C4orf50: variants seen among roughly 807,000 people sequenced by gnomAD.
C4orf50 encodes the protein uncharacterized protein C4orf50.
A neutral mutation model predicts 77.2 loss-of-function variants in C4orf50; 80 were observed. The ratio of observed to expected loss-of-function variants is 1.04; its 90% CI spans 0.87 to 1.25. The LOEUF is 1.25. C4orf50 is among the 50% of genes most tolerant of loss of function. C4orf50 has a pLI of 0.00. For missense variants in C4orf50, 1,257 were observed against 1,152.9 expected (o/e 1.09, Z -1.31); for synonymous variants, 532 against 465.3 (o/e 1.14, Z -1.84).
chr4:5,921,200 C>T (rs901147945), intron 7 of C4orf50, among the ~76,000 whole-genome samples: 6 of 152,190 alleles, frequency 3.9e-5, no homozygotes, highest in Non-Finnish European at 5.9e-5. Context: ...CGGGGATGTG[C>T]GGTTGCCTGT....
chr4:5,938,333 G>A (rs1718121044), intron 7 of C4orf50, among the ~76,000 whole-genome samples: 1 of 152,092 alleles, frequency 6.6e-6, no homozygotes. Context: ...TGGATCAAAG[G>A]GACCATAACA....
exon 28 of C4orf50, chr4:5,989,884 A>G: frequency 1.4e-6 from 2 of 1,437,444 alleles, no homozygotes; most frequent in South Asian, 3.0e-5. Flanking sequence ...TTTGTCCTCC[A>G]GGCTTCCTCC....
chr4:5,944,678 A>G (rs1395607077), intron 7 of C4orf50, among the ~76,000 whole-genome samples: 2 of 151,928 alleles, frequency 1.3e-5, no homozygotes, highest in Non-Finnish European at 2.9e-5. Flanking sequence ...TACCCACATG[A>G]ACCAGATGCA....
chr4:5,913,731 G>A (rs1477202309), intron 7 of C4orf50, among the ~76,000 whole-genome samples: 1 of 152,170 alleles, frequency 6.6e-6, no homozygotes, highest in African/African-American at 2.4e-5. Context: ...CAGACGTTGG[G>A]ACCAAACCTC....
In C4orf50 at chr4:5,932,667, C is replaced by A. The variant is rs1260002852; in HGVS notation, c.*2474+24234G>T. Among the ~76,000 whole-genome samples the A allele has an allele frequency of 6.6e-6, 1 of 152,110 alleles. No individual in the cohort carries two copies. Among genetic ancestry groups the A allele is most frequent in the Admixed American group, 6.5e-5 (1 of 15,282 alleles). On this transcript the variant is annotated intron_variant, in intron 7 of 7. Coordinates refer to the C4orf50 transcript ENST00000324058. The surrounding 1 kb of genome is among the most constrained non-coding windows in gnomAD (Gnocchi z 4.2). ...GCCTTGCTCAGGCTGGTCTTGAACTCTTGGGCTCAGGCAATTCTCTTACCT... is the reference window on the plus strand; with the variant it reads ...GCCTTGCTCAGGCTGGTCTTGAACTATTGGGCTCAGGCAATTCTCTTACCT...
At position 5,964,933 on chromosome 4, in the gene C4orf50, A is replaced by G; in HGVS notation, c.4275+91T>C. On this transcript the variant is annotated intron_variant, in intron 33 of 33. Transcript: ENST00000531445. ...GACCTGGTGGTGGCTTTCTGGGTGT[A>G]TATCGCTTGGATAATTTGCTAAGCT... 3.9e-6 allele frequency: 5 copies of G among 1,271,686 alleles called. No individual in the cohort carries two copies. The South Asian group carries it at 4.3e-5, about 11-fold the overall frequency. The allele number at this position is 1,271,686 out of a possible 1,614,324, so 78.8% of individuals were successfully genotyped here.
chr4:6,015,810 T>C lies in C4orf50; in HGVS notation c.287+2335A>G, dbSNP rs1481243704. On this transcript the variant is annotated intron_variant, in intron 23 of 33. Coordinates refer to ENST00000531445, the Ensembl canonical transcript of C4orf50. This position sits in a 1 kb window ranked among gnomAD's most constrained non-coding sequence, Gnocchi z 4.4. ...CATCTTTGGAGCCAGCTGCATGCAA[T>C]CCCACACTGGCGGCCACACTGCCAT... Among the ~76,000 whole-genome samples, 1 of 152,172 alleles carries C rather than the reference T, an allele frequency of 6.6e-6. No individual in the cohort carries two copies. The highest frequency in any genetic ancestry group is 1.9e-4 in the East Asian group (1 of 5,172).
intron 23 of C4orf50, among the ~76,000 whole-genome samples, chr4:6,014,993 C>T (rs2108815041): frequency 6.6e-6 from 1 of 152,292 alleles, no homozygotes; most frequent in Non-Finnish European, 1.5e-5. Context: ...TTGGAGTTCC[C>T]TGCCTGTCTT....
chr4:6,011,610 C>CA lies in C4orf50; in HGVS notation c.426+219dup, dbSNP rs1274264767. On this transcript the variant is annotated intron_variant, in intron 24 of 33. Transcript: ENST00000531445. The surrounding 1 kb of genome is among the most constrained non-coding windows in gnomAD (Gnocchi z 4.2). ...GGCCTGGCGCTGAGGTCCTCAGGCA[C>CA]AAGAGCTTCCAGCAAGTGTACAGCC... Among the ~76,000 whole-genome samples the CA allele has an allele frequency of 6.6e-6, 1 of 152,174 alleles. No individual in the cohort carries two copies. The highest frequency in any genetic ancestry group is 2.4e-5 in the African/African-American group (1 of 41,448).
intron 7 of C4orf50, among the ~76,000 whole-genome samples, chr4:5,940,965 G>A (rs1718234894): frequency 6.6e-6 from 1 of 152,126 alleles, no homozygotes. Context: ...AGACTACTCA[G>A]CCCCAGTAGA....
chr4:5,948,960 CAAAAAAAAA>C (rs765201490), intron 7 of C4orf50, among the ~76,000 whole-genome samples: 926 of 87,130 alleles, frequency 0.011, 12 homozygotes, highest in South Asian at 0.059. Context: ...GACTCCATCT[CAAAAAAAAA>C]AAAAAAAAAA....
At chr4:5,995,430 G>A (rs1021847242) in intron 25 of C4orf50, among the ~76,000 whole-genome samples, 12 of 150,396 alleles carry the variant, frequency 8.0e-5, no homozygotes, top group South Asian at 2.1e-4. Flanking sequence ...TAATTCAGAG[G>A]CAGCTCCTTC....
At chr4:5,984,269 A>T (rs533691682) in intron 28 of C4orf50, among the ~76,000 whole-genome samples, 2 of 152,234 alleles carry the variant, frequency 1.3e-5, no homozygotes, top group Non-Finnish European at 2.9e-5. Flanking sequence ...TATTATACAC[A>T]ATGTCCAACA....
intron 28 of C4orf50, among the ~76,000 whole-genome samples, chr4:5,982,294 T>C (rs375869722): frequency 2.0e-5 from 3 of 152,146 alleles, no homozygotes; most frequent in Non-Finnish European, 4.4e-5. Flanking sequence ...AGAATGGCTG[T>C]GCGGTGGGGG....
intron 7 of C4orf50, among the ~76,000 whole-genome samples, chr4:5,940,490 G>C (rs768296865): frequency 6.6e-6 from 1 of 152,180 alleles, no homozygotes; most frequent in Non-Finnish European, 1.5e-5. Context: ...TGACAGTGAA[G>C]TCCTCGCCTC....
chr4:5,953,346 A>C (rs1310376630), downstream of C4orf50, among the ~76,000 whole-genome samples: 3 of 152,168 alleles, frequency 2.0e-5, no homozygotes, highest in Non-Finnish European at 4.4e-5. Context: ...GTTGACTTAC[A>C]CAGAGAGGTT....
intron 7 of C4orf50, among the ~76,000 whole-genome samples, chr4:5,926,460 T>C (rs10016978): frequency 0.47 from 70,639 of 151,900 alleles, 16,766 homozygotes; most frequent in East Asian, 0.77. Flanking sequence ...ACAGGGACTG[T>C]CTAAAGGGCC....
exon 28 of C4orf50, chr4:5,990,437 G>T: frequency 2.5e-6 from 1 of 403,964 alleles, no homozygotes; most frequent in Non-Finnish European, 4.3e-6. Flanking sequence ...TGTTTTTTCA[G>T]AAATGGGTGA....
intron 7 of C4orf50, among the ~76,000 whole-genome samples, chr4:5,948,559 G>T (rs1718583765): frequency 6.6e-6 from 1 of 152,190 alleles, no homozygotes; most frequent in South Asian, 2.1e-4. Flanking sequence ...CACTTTGGGA[G>T]GCCGAGGCAG....
Sources: gnomAD v4.1 joint callset for allele counts (sites outside exome capture counted in the v4.1 genomes callset) on GRCh38, gnomAD v4.1.1 for gene constraint, Gnocchi (gnomAD v3.1) non-coding constraint, MANE v1.5 for transcripts, NCBI Gene and HGNC (gene_info 2026-07-23, HGNC 2026-07-21) for gene names.